Variants in KLHL1 observed in about 807,000 individuals in gnomAD.
KLHL1 encodes the protein kelch like family member 1.
In KLHL1, 47 loss-of-function variants were observed where a neutral mutation model predicts 77.7. The ratio of observed to expected loss-of-function variants is 0.60; its 90% CI spans 0.48 to 0.77. The LOEUF is 0.77. KLHL1 is among the 30% of genes least tolerant of loss of function. The pLI is 0.00. For missense variants in KLHL1, 925 were observed against 910.8 expected (o/e 1.02, Z -0.20); for synonymous variants, 360 against 325.2 (o/e 1.11, Z -1.15).
Position 69,828,373 on chromosome 13 carries a change from A to C in KLHL1, c.1414+10603T>G, listed in dbSNP as rs941088141. On this transcript the variant is annotated intron_variant, in intron 6 of 10. Coordinates refer to ENST00000377844, the MANE Select transcript of KLHL1 (RefSeq NM_020866.3). ...TAAAAATAGAAGAGGAAGTAGGATG[A>C]GCCCTGTAGGCACTCTCAGTACCCA... 2.0e-5 allele frequency among the ~76,000 whole-genome samples: 3 copies of C among 150,266 alleles called. 1 individual carries two copies. Among genetic ancestry groups the C allele is most frequent in the Admixed American group, 2.0e-4 (3 of 15,084 alleles).
intron 1 of KLHL1, among the ~76,000 whole-genome samples, chr13:70,078,715 A>G (rs894757689): frequency 2.0e-5 from 3 of 152,218 alleles, no homozygotes; most frequent in African/African-American, 7.2e-5. Context: ...AGTTATTTCA[A>G]TACCATCACA....
At chr13:69,820,037 G>C (rs1315209026) in intron 6 of KLHL1, among the ~76,000 whole-genome samples, 1 of 152,140 alleles carries the variant, frequency 6.6e-6, no homozygotes, top group Non-Finnish European at 1.5e-5. Context: ...TAAGAATCTT[G>C]ATTCTCCTTT....
chr13:69,898,664 C>T (rs1170527326), intron 4 of KLHL1, among the ~76,000 whole-genome samples: 1 of 152,102 alleles, frequency 6.6e-6, no homozygotes, highest in Non-Finnish European at 1.5e-5. Context: ...ACCCCCAAGC[C>T]CCAAAAGGAC....
chr13:69,731,432 T>C (rs1873537911), intron 8 of KLHL1, among the ~76,000 whole-genome samples: 2 of 152,172 alleles, frequency 1.3e-5, no homozygotes, highest in Admixed American at 6.6e-5. Flanking sequence ...AAGCAGCCCA[T>C]CACTATAGGC....
chr13:69,853,386 C>G (rs117031154), intron 5 of KLHL1, among the ~76,000 whole-genome samples: 1 of 151,966 alleles, frequency 6.6e-6, no homozygotes, highest in African/African-American at 2.4e-5. Flanking sequence ...GTTGTTGCTT[C>G]TCCTTCCACC....
At chr13:69,749,174 C>T (rs746247588) in intron 7 of KLHL1, among the ~76,000 whole-genome samples, 1 of 151,854 alleles carries the variant, frequency 6.6e-6, no homozygotes, top group Non-Finnish European at 1.5e-5. Context: ...AGAATAATTT[C>T]AAAATCAAAA....
At chr13:69,873,500 A>G (rs1277511680) in intron 5 of KLHL1, among the ~76,000 whole-genome samples, 1 of 152,144 alleles carries the variant, frequency 6.6e-6, no homozygotes, top group Admixed American at 6.5e-5. Flanking sequence ...TGTCCATTCA[A>G]TAAGGGATTT....
At chr13:70,009,489 C>T (rs2439682) in intron 1 of KLHL1, among the ~76,000 whole-genome samples, 146,265 of 152,188 alleles carry the variant, frequency 0.96, 70,654 homozygotes, top group Non-Finnish European at 0.99. Flanking sequence ...GTGGGTTTTA[C>T]GGCAGAAACT....
intron 4 of KLHL1, among the ~76,000 whole-genome samples, chr13:69,887,934 T>C (rs1231257827): frequency 6.6e-6 from 1 of 152,210 alleles, no homozygotes; most frequent in Non-Finnish European, 1.5e-5. Flanking sequence ...GGATTTGTTA[T>C]AGTAACTCCC....
chr13:69,794,451 AAC>A (rs1877012109), intron 7 of KLHL1, among the ~76,000 whole-genome samples: 1 of 152,082 alleles, frequency 6.6e-6, no homozygotes, highest in Non-Finnish European at 1.5e-5. Flanking sequence ...AAGAGAAAGA[AAC>A]AGAGCATCTT....
chr13:70,089,342 T>A (rs1420135232), intron 1 of KLHL1, among the ~76,000 whole-genome samples: 7 of 152,122 alleles, frequency 4.6e-5, no homozygotes, highest in Non-Finnish European at 7.4e-5. Flanking sequence ...AATGTGTCAC[T>A]AGAAGATCCT....
chr13:69,921,845 T>G (rs148754161), intron 4 of KLHL1, among the ~76,000 whole-genome samples: 1 of 151,458 alleles, frequency 6.6e-6, no homozygotes, highest in African/African-American at 2.4e-5. Flanking sequence ...TACAAAAGCA[T>G]AGTAATAATA....
rs187194482 is a variant in KLHL1 at position 70,077,888 on chromosome 13, T to G, written c.497+29315A>C. 4.0e-3 allele frequency among the ~76,000 whole-genome samples: 610 copies of G among 152,092 alleles called. 4 individuals carry two copies. The highest frequency in any genetic ancestry group is 0.014 in the African/African-American group (569 of 41,538). ...AACCTCTGGATATGTTCTGTGCCCT[T>G]TCTGTGATATTTACCTTGTTAGGTT... is the stretch of plus-strand genomic sequence containing the variant. On this transcript the variant is annotated intron_variant, in intron 1 of 10. Transcript: ENST00000377844.
chr13:69,789,900 T>G (rs1294969727), intron 7 of KLHL1, among the ~76,000 whole-genome samples: 1 of 152,184 alleles, frequency 6.6e-6, no homozygotes, highest in Non-Finnish European at 1.5e-5. Flanking sequence ...GAGGAGAATG[T>G]AACTTAGAGC....
intron 3 of KLHL1, among the ~76,000 whole-genome samples, chr13:69,958,369 T>C (rs1367865079): frequency 6.6e-6 from 1 of 151,774 alleles, no homozygotes; most frequent in Non-Finnish European, 1.5e-5. Flanking sequence ...GTTGGATGAG[T>C]TCAACATGGA....
intron 7 of KLHL1, among the ~76,000 whole-genome samples, chr13:69,762,186 G>A (rs1226812922): frequency 3.3e-5 from 5 of 152,076 alleles, no homozygotes. Flanking sequence ...TAGACAAGTT[G>A]TAAAATCTGT....
intron 1 of KLHL1, among the ~76,000 whole-genome samples, chr13:70,027,594 T>C (rs1885981602): frequency 6.6e-6 from 1 of 151,250 alleles, no homozygotes; most frequent in Non-Finnish European, 1.5e-5. Flanking sequence ...TACCACCCTC[T>C]CAAATGTCCT....
At chr13:69,758,063 T>C (rs1362207142) in intron 7 of KLHL1, among the ~76,000 whole-genome samples, 1 of 152,010 alleles carries the variant, frequency 6.6e-6, no homozygotes, top group African/African-American at 2.4e-5. Context: ...ACCTTTATTT[T>C]CTGATGGAGA....
chr13:69,776,695 A>G (rs1875843552), intron 7 of KLHL1, among the ~76,000 whole-genome samples: 1 of 152,216 alleles, frequency 6.6e-6, no homozygotes, highest in Non-Finnish European at 1.5e-5. Context: ...TTAAAAAAAG[A>G]AAAATATAAA....
Sources: gnomAD v4.1 joint callset for allele counts (sites outside exome capture counted in the v4.1 genomes callset) on GRCh38, gnomAD v4.1.1 for gene constraint, MANE v1.5 for transcripts, NCBI Gene and HGNC (gene_info 2026-07-23, HGNC 2026-07-21) for gene names.